ATG4B: variants seen among roughly 807,000 people sequenced by gnomAD.
ATG4B encodes the protein autophagy related 4B cysteine peptidase.
Under a neutral mutation model 56.6 loss-of-function variants are expected in ATG4B, and 29 were observed. The ratio of observed to expected loss-of-function variants is 0.51; its 90% confidence interval spans 0.38 to 0.70. The LOEUF (loss-of-function observed/expected upper bound fraction) is 0.70. Among genes scored for constraint, ATG4B ranks in the 30% least tolerant of loss-of-function variants. The pLI, the probability that ATG4B is intolerant of heterozygous loss-of-function variation, is 0.00. For synonymous variants in ATG4B, 224 were observed against 206.1 expected (o/e 1.09, Z -0.74); for missense variants, 461 against 515.5 (o/e 0.89, Z 1.02).
chr2:241,638,322 C>G (rs1220069950), intron 1 of ATG4B: 1 of 152,252 alleles, frequency 6.6e-6, no homozygotes, highest in South Asian at 2.1e-4. Context: ...GAATTTGTAT[C>G]ATCGGGTCTT....
chr2:241,666,019 T>C (rs2068752320), intron 7 of ATG4B, among the ~76,000 whole-genome samples: 1 of 152,242 alleles, frequency 6.6e-6, no homozygotes, highest in African/African-American at 2.4e-5. Flanking sequence ...TTTTCGTTTA[T>C]GTTTTGAGCC....
chr2:241,661,144 C>G (rs1398351804), intron 7 of ATG4B, among the ~76,000 whole-genome samples: 8 of 152,242 alleles, frequency 5.3e-5, no homozygotes, highest in Non-Finnish European at 1.2e-4. Flanking sequence ...CATTTCCCAG[C>G]CCCTGGGGAT....
At chr2:241,657,327 T>A (rs2068441131) in intron 6 of ATG4B, among the ~76,000 whole-genome samples, 1 of 144,426 alleles carries the variant, frequency 6.9e-6, no homozygotes, top group African/African-American at 2.6e-5. Flanking sequence ...AGACAGAGTC[T>A]AGCTCTGTAG....
intron 1 of ATG4B, among the ~76,000 whole-genome samples, chr2:241,644,725 G>A (rs1011250665): frequency 2.0e-5 from 3 of 152,134 alleles, no homozygotes; most frequent in Admixed American, 6.5e-5. Context: ...TGATGTGGGC[G>A]GATCATCTGA....
At position 241,651,173 on chromosome 2, in the gene ATG4B, T is replaced by C. The variant is rs2068218129; in HGVS notation, c.112+62T>C. 6.4e-7 allele frequency: 1 copy of C among 1,562,152 alleles called. No homozygotes were observed. The highest frequency in any genetic ancestry group is 1.4e-5 in the African/African-American group (1 of 73,860). ...CTTGGCCTGCAGAAGCATTTTGTGA[T>C]CACTGTTCTCTGCTAACTCTGCCAT... On this transcript the variant is annotated intron_variant, in intron 2 of 12. Transcript: ENST00000404914. The surrounding 1 kb of genome is among the most constrained non-coding windows in gnomAD (Gnocchi z 4.1).
rs866382628 is a variant in ATG4B, at chr2:241,654,452, A to G, written c.284-94A>G. 1.1e-4 allele frequency: 87 copies of G among 780,896 alleles called. No individual in the cohort carries two copies. The African/African-American group carries it at 1.2e-3, about 10-fold the overall frequency. 48.4% of individuals were successfully genotyped at this position (780,896 alleles called of 1,614,324 possible). A position where few individuals can be genotyped will look rare whatever the true frequency, so the allele number is the denominator to read the frequency against. On this transcript the variant is annotated intron_variant, in intron 4 of 12. Transcript: ENST00000404914. The stretch of plus-strand genomic sequence containing the variant: ...AAAAAAAAAAAAAAAAGATTCTGAA[A>G]AAGGTTTGGATGCCATCTGTATCTT...
intron 3 of ATG4B, 72 bp from the exon 4 acceptor site, chr2:241,653,440 C>G: frequency 2.6e-6 from 4 of 1,551,254 alleles, no homozygotes; most frequent in South Asian, 1.2e-5. Flanking sequence ...GACCGGCTGC[C>G]TCCTGCCAGT....
intron 6 of ATG4B, among the ~76,000 whole-genome samples, chr2:241,655,683 C>T (rs1270832323): frequency 6.6e-6 from 1 of 152,130 alleles, no homozygotes; most frequent in Non-Finnish European, 1.5e-5. Context: ...CCTCTGCAGG[C>T]TTGTTGGAGG....
intron 11 of ATG4B, 127 bp from the exon 12 acceptor site, chr2:241,671,185 C>G (rs1301197859): frequency 1.2e-6 from 1 of 807,948 alleles, no homozygotes; most frequent in African/African-American, 1.7e-5. Context: ...GTGGAGCTGC[C>G]TCTGTTTTCT....
Position 241,670,782 on chromosome 2 carries a change from G to A in ATG4B, c.1014G>A (p.Lys338=), listed in dbSNP as rs1273927805. ...DFNDWCQQVK[K]LSLLGGALPM... The stretch of plus-strand genomic sequence containing the variant: ...ATGATTGGTGCCAGCAAGTCAAAAA[G>A]GTTTGTAGCCGCCCCACACCCACAG... Residue 338 remains lysine, a splice_region_variant and synonymous_variant, in exon 11 of 13, where the codon AAG becomes AAA. Transcript: ENST00000404914. 6.2e-7 allele frequency: 1 copy of A among 1,608,254 alleles called. No individual in the cohort carries two copies. The highest frequency in any genetic ancestry group is 8.5e-7 in the Non-Finnish European group (1 of 1,177,312).
At chr2:241,637,864 G>T (rs1246555961) in intron 1 of ATG4B, 140 bp downstream of exon 1, 2 of 982,276 alleles carry the variant, frequency 2.0e-6, no homozygotes, top group Non-Finnish European at 2.7e-6. Flanking sequence ...CGGGCGCTGC[G>T]GGAGCGCGGG....
Position 241,668,351 on chromosome 2 carries a change from T to G in ATG4B, c.811+130T>G. The G allele has an allele frequency of 2.9e-6, 4 of 1,387,240 alleles. No individual in the cohort carries two copies. Among genetic ancestry groups the G allele is most frequent in the Non-Finnish European group, 4.0e-6 (4 of 1,002,306 alleles). The allele number at this position is 1,387,240 out of a possible 1,614,324, so 85.9% of individuals were successfully genotyped here. Reference sequence around the variant, plus strand: ...AAGCAGCATGCCCTGGGGTTCATTTTCAGCCTGGTCGCGGGCGGCCTCCTG... The same window carrying G: ...AAGCAGCATGCCCTGGGGTTCATTTGCAGCCTGGTCGCGGGCGGCCTCCTG... On this transcript the variant is annotated intron_variant, in intron 9 of 12. Coordinates refer to ENST00000404914, the MANE Select transcript of ATG4B (RefSeq NM_013325.5). This position sits in a 1 kb window ranked among gnomAD's most constrained non-coding sequence, Gnocchi z 4.2.
intron 10 of ATG4B, among the ~76,000 whole-genome samples, chr2:241,669,412 G>A (rs1239234075): frequency 6.6e-6 from 1 of 152,320 alleles, no homozygotes; most frequent in East Asian, 1.9e-4. Flanking sequence ...CTGAGCTGTG[G>A]CGCAGCCCCA....
At chr2:241,666,611 T>G in intron 7 of ATG4B, 34 bp from the exon 8 acceptor site, 1 of 1,608,484 alleles carries the variant, frequency 6.2e-7, no homozygotes, top group Non-Finnish European at 8.5e-7. Flanking sequence ...TGCACAGGTC[T>G]GCTTGGTTAG....
At chr2:241,671,902 A>G (rs562376044) in intron 12 of ATG4B, 1 of 1,345,216 alleles carries the variant, frequency 7.4e-7, no homozygotes, top group Non-Finnish European at 9.6e-7. Flanking sequence ...ATGGCAATGG[A>G]ACCACTCCTG....
chr2:241,669,435 C>T (rs1324824724), intron 10 of ATG4B, among the ~76,000 whole-genome samples: 3 of 152,224 alleles, frequency 2.0e-5, no homozygotes, highest in Non-Finnish European at 2.9e-5. Flanking sequence ...GTGCACACCA[C>T]GCTCCATGCA....
Position 241,651,292 on chromosome 2 carries a change from A to G in ATG4B, c.141A>G (p.Ala47=). ...TEKDEILSDV[A]SRLWFTYRKN... ...AGGACGAGATCTTGTCTGATGTGGC[A>G]TCTAGACTTTGGTTTACATACAGGA... The change falls in exon 3 of 13, where the codon GCA becomes GCG. Residue 47 remains alanine (A), a synonymous_variant. Transcript: ENST00000404914. This position sits in a 1 kb window ranked among gnomAD's most constrained non-coding sequence, Gnocchi z 4.1. 6.2e-7 allele frequency: 1 copy of G among 1,603,334 alleles called. No individual in the cohort carries two copies. Among genetic ancestry groups the G allele is most frequent in the Non-Finnish European group, 8.5e-7 (1 of 1,174,456 alleles).
intron 1 of ATG4B, 95 bp from the exon 2 acceptor site, chr2:241,650,915 T>C: frequency 9.7e-7 from 1 of 1,033,534 alleles, no homozygotes; most frequent in Non-Finnish European, 1.4e-6. Flanking sequence ...TTTACAGTTG[T>C]TCTCTTCAGC....
intron 12 of ATG4B, 122 bp from the exon 13 acceptor site, chr2:241,672,069 G>A: frequency 1.3e-6 from 2 of 1,482,866 alleles, no homozygotes. Context: ...CACCCGCATG[G>A]GGACAGCTGT....
Sources: gnomAD v4.1 joint callset for allele counts (sites outside exome capture counted in the v4.1 genomes callset) on GRCh38, gnomAD v4.1.1 for gene constraint, Gnocchi (gnomAD v3.1) non-coding constraint, MANE v1.5 for transcripts, NCBI Gene and HGNC (gene_info 2026-07-23, HGNC 2026-07-21) for gene names.